Variants in RNF125 observed in about 807,000 individuals in gnomAD.
RNF125 encodes ring finger protein 125.
A neutral mutation model predicts 26.0 loss-of-function variants in RNF125; 21 were observed. That is an observed-to-expected ratio of 0.81 (90% CI 0.57 to 1.16). RNF125 has a LOEUF of 1.16. RNF125 is among the 50% of genes most tolerant of loss of function. The pLI, the probability that RNF125 is intolerant of heterozygous loss-of-function variation, is 0.00. For missense variants in RNF125, 270 were observed against 299.4 expected (o/e 0.90, Z 0.72); for synonymous variants, 95 against 109.2 (o/e 0.87, Z 0.81).
At chr18:32,042,350 C>A in intron 3 of RNF125, 77 bp downstream of exon 3, 1 of 861,760 alleles carries the variant, frequency 1.2e-6, no homozygotes, top group Non-Finnish European at 1.8e-6. Context: ...GAAACTTTAA[C>A]ATTCTTATGA....
chr18:32,051,690 C>A (rs1330618973), intron 4 of RNF125, among the ~76,000 whole-genome samples: 2 of 74,466 alleles, frequency 2.7e-5, no homozygotes, highest in Non-Finnish European at 5.7e-5. Context: ...TCTATATTTT[C>A]TTTCTTTTTT....
At chr18:32,056,755 G>A (rs926136686) in intron 4 of RNF125, among the ~76,000 whole-genome samples, 2 of 152,014 alleles carry the variant, frequency 1.3e-5, no homozygotes, top group Non-Finnish European at 2.9e-5. Flanking sequence ...TAATTCTCAT[G>A]GATTACAGTA....
intron 1 of RNF125, among the ~76,000 whole-genome samples, chr18:32,036,754 C>T (rs2039159957): frequency 6.6e-6 from 1 of 152,018 alleles, no homozygotes; most frequent in African/African-American, 2.4e-5. Flanking sequence ...TTATGTGACA[C>T]ACAAAACCCC....
At chr18:32,063,667 A>T (rs2039455613) in intron 4 of RNF125, among the ~76,000 whole-genome samples, 1 of 152,178 alleles carries the variant, frequency 6.6e-6, no homozygotes, top group Admixed American at 6.6e-5. Context: ...AACTGGAAAC[A>T]ACCCAAATGC....
chr18:32,065,643 CTG>C (rs1260092319), intron 4 of RNF125, among the ~76,000 whole-genome samples: 6 of 152,174 alleles, frequency 3.9e-5, no homozygotes, highest in Admixed American at 1.3e-4. Flanking sequence ...AGCAATTCTC[CTG>C]CCTCAGTCTC....
In RNF125 at chr18:32,072,357, G is replaced by A. The variant is rs1289790460; in HGVS notation, c.*3973G>A. On this transcript the variant is annotated 3_prime_UTR_variant, in exon 6 of 6. Transcript: ENST00000217740. ...AATGAAAACATATTTTTAAGCATTG[G>A]TGTTGACCATGCAGACAAACTTTTG... 8 of 152,192 alleles carry A rather than the reference G, an allele frequency of 5.3e-5. No individual in the cohort carries two copies. The highest frequency in any genetic ancestry group is 1.9e-4 in the African/African-American group (8 of 41,446). The allele number at this position is 152,192 out of a possible 1,614,324, so 9.4% of individuals were successfully genotyped here. A position where few individuals can be genotyped will look rare whatever the true frequency, so the allele number is the denominator to read the frequency against.
intron 4 of RNF125, among the ~76,000 whole-genome samples, chr18:32,058,596 T>G (rs2039407996): frequency 6.6e-6 from 1 of 152,212 alleles, no homozygotes; most frequent in African/African-American, 2.4e-5. Context: ...TCCACCCACC[T>G]TGGCCTCCCA....
intron 4 of RNF125, among the ~76,000 whole-genome samples, chr18:32,065,042 CAAAT>C (rs1379143726): frequency 2.0e-5 from 3 of 151,924 alleles, no homozygotes; most frequent in Non-Finnish European, 2.9e-5. Context: ...GAATATGAAA[CAAAT>C]AGTTATATTG....
intron 1 of RNF125, chr18:32,031,484 GGGAAAAAAAAAAAAAAAA>G (rs1371012170): frequency 5.1e-5 from 4 of 79,094 alleles, no homozygotes; most frequent in African/African-American, 2.4e-4. Context: ...CTCAAATTGT[GGGAAAAAAAAAAAAAAAA>G]AAAAAAAAAA....
chr18:32,035,340 G>T (rs1163641048), intron 1 of RNF125, among the ~76,000 whole-genome samples: 1 of 152,102 alleles, frequency 6.6e-6, no homozygotes, highest in Non-Finnish European at 1.5e-5. Flanking sequence ...AATCAGTCAT[G>T]ATCCAAGCCA....
downstream of RNF125, among the ~76,000 whole-genome samples, chr18:32,077,334 ATTTTTTTTTT>A (rs552701343): frequency 9.3e-6 from 1 of 107,880 alleles, no homozygotes; most frequent in Non-Finnish European, 1.8e-5. Flanking sequence ...CCCTCTCCCC[ATTTTTTTTTT>A]TTTTTTTTTT....
the RNF125 span, among the ~76,000 whole-genome samples, chr18:32,086,676 A>C: frequency 6.6e-6 from 1 of 151,952 alleles, no homozygotes; most frequent in South Asian, 2.1e-4. Flanking sequence ...TCCTGCCACC[A>C]CACCCAGCTA....
At chr18:32,067,794 G>A (rs955583306) in intron 5 of RNF125, among the ~76,000 whole-genome samples, 29 of 152,264 alleles carry the variant, frequency 1.9e-4, no homozygotes, top group African/African-American at 6.7e-4. Context: ...AGAGGATAGG[G>A]TTCTTAATGG....
intron 3 of RNF125, among the ~76,000 whole-genome samples, chr18:32,045,296 C>T (rs1316923122): frequency 6.6e-6 from 1 of 151,934 alleles, no homozygotes; most frequent in Non-Finnish European, 1.5e-5. Flanking sequence ...CGGTGGCTCA[C>T]GCCTGTAATC....
At chr18:32,019,852 A>G (rs910176966) in intron 1 of RNF125, among the ~76,000 whole-genome samples, 5 of 152,216 alleles carry the variant, frequency 3.3e-5, no homozygotes, top group African/African-American at 1.2e-4. Context: ...AAAACCGCAT[A>G]GTACTTAGCT....
the RNF125 span, among the ~76,000 whole-genome samples, chr18:32,088,912 G>A: frequency 1.8e-4 from 28 of 152,214 alleles, no homozygotes; most frequent in African/African-American, 6.5e-4. Context: ...CTTCATTCTG[G>A]GGGGGAAAGG....
At chr18:32,055,662 C>T (rs1405989378) in intron 4 of RNF125, among the ~76,000 whole-genome samples, 1 of 152,094 alleles carries the variant, frequency 6.6e-6, no homozygotes, top group Non-Finnish European at 1.5e-5. Flanking sequence ...TCTCCCTTGA[C>T]ACTTGGAGAT....
In RNF125 at chr18:32,065,814, A is replaced by G. The variant is rs1035704543; in HGVS notation, c.505-88A>G. 4.6e-5 allele frequency: 42 copies of G among 917,920 alleles called. No homozygotes were observed. In the African/African-American group the frequency reaches 5.0e-4, roughly 11 times the overall value. 56.9% of individuals were successfully genotyped at this position (917,920 alleles called of 1,614,324 possible). A position where few individuals can be genotyped will look rare whatever the true frequency, so the allele number is the denominator to read the frequency against. On this transcript the variant is annotated intron_variant, in intron 4 of 5. Coordinates refer to ENST00000217740, the MANE Select transcript of RNF125 (RefSeq NM_017831.4). ...CCAAAGTACTGGGATTACAGGCGTA[A>G]GCCACCGCGCCCAGCCGTTGTTTTT... is the stretch of plus-strand genomic sequence containing the variant.
rs371810186 is a variant in RNF125 at position 32,063,017 on chromosome 18, C to T, written c.505-2885C>T. 4.3e-4 allele frequency among the ~76,000 whole-genome samples: 66 copies of T among 151,988 alleles called. No individual in the cohort carries two copies. The South Asian group carries it at 0.01, about 24-fold the overall frequency. On this transcript the variant is annotated intron_variant, in intron 4 of 5. Coordinates refer to ENST00000217740, the MANE Select transcript of RNF125 (RefSeq NM_017831.4). ...GGTAGATCACCTGAGGTCAGGAGTTCGTGACCAGCCTGGCCAAAATGGTGA... is the reference window on the plus strand; with the variant it reads ...GGTAGATCACCTGAGGTCAGGAGTTTGTGACCAGCCTGGCCAAAATGGTGA...
Sources: allele counts gnomAD v4.1 joint callset (sites outside exome capture counted in the v4.1 genomes callset), GRCh38; gene constraint gnomAD v4.1.1; transcripts MANE v1.5; gene names NCBI Gene and HGNC (gene_info 2026-07-23, HGNC 2026-07-21).